PCDHAC1: variants seen among roughly 807,000 people sequenced by gnomAD.
PCDHAC1 encodes the protein protocadherin alpha subfamily C, 1, also known as protocadherin alpha-C1.
A neutral mutation model predicts 60.0 loss-of-function variants in PCDHAC1; 42 were observed. The ratio of observed to expected loss-of-function variants is 0.70; its 90% CI spans 0.55 to 0.90. PCDHAC1 has a LOEUF of 0.90. PCDHAC1 is among the 40% of genes least tolerant of loss of function. PCDHAC1 has a pLI of 0.00. For missense variants in PCDHAC1, 1,160 were observed against 1,222.3 expected, an observed-to-expected ratio of 0.95 and a Z score of 0.76; for synonymous variants, 468 against 499.3, an observed-to-expected ratio of 0.94 and a Z score of 0.84.
At position 140,992,156 on chromosome 5, in the gene PCDHAC1, A is replaced by G. The variant is rs79603129; in HGVS notation, c.2581+9593A>G. On this transcript the variant is annotated intron_variant, in intron 3 of 3. Coordinates refer to ENST00000253807, the MANE Select transcript of PCDHAC1 (RefSeq NM_018898.5). ...TGATGATGCTAACTTTGCTCAATCA[A>G]GAAGTGTGATCCATTTAAATCATGC... Among the ~76,000 whole-genome samples the G allele has an allele frequency of 2.1e-3, 313 of 152,232 alleles. 2 individuals carry two copies. The highest frequency in any genetic ancestry group is 3.8e-3 in the Non-Finnish European group (258 of 67,998).
At chr5:141,006,222 T>C (rs1463720721) in intron 3 of PCDHAC1, among the ~76,000 whole-genome samples, 1 of 152,098 alleles carries the variant, frequency 6.6e-6, no homozygotes, top group Non-Finnish European at 1.5e-5. Flanking sequence ...TTTTAAATTT[T>C]TTATTTTTAG....
At chr5:141,004,348 C>A (rs1554259549) in intron 3 of PCDHAC1, among the ~76,000 whole-genome samples, 1 of 152,216 alleles carries the variant, frequency 6.6e-6, no homozygotes, top group Non-Finnish European at 1.5e-5. Context: ...CTGTGAGGGA[C>A]TGGAGAGACC....
rs2083499438 is a variant in PCDHAC1 at position 140,926,720 on chromosome 5, T to C, written c.-173T>C. The C allele has an allele frequency of 2.0e-6, 2 of 1,002,404 alleles. No individual in the cohort carries two copies. The highest frequency in any genetic ancestry group is 2.7e-6 in the Non-Finnish European group (2 of 743,282). 62.1% of individuals were successfully genotyped at this position (1,002,404 alleles called of 1,614,324 possible). Reference sequence around the variant, plus strand: ...GCTCCCAGCTGGCCAGCCCCGGCAATGCCGGCGTTCGGGAGGCGCAACGTC... The same window carrying C: ...GCTCCCAGCTGGCCAGCCCCGGCAACGCCGGCGTTCGGGAGGCGCAACGTC... On this transcript the variant is annotated 5_prime_UTR_variant, in exon 1 of 4. The change abolishes an upstream ATG in the 5' untranslated region. Coordinates refer to ENST00000253807, the MANE Select transcript of PCDHAC1 (RefSeq NM_018898.5).
Position 140,979,001 on chromosome 5 carries a change from T to C in PCDHAC1, c.2486T>C (p.Met829Thr). ...WRYSASLRAG[M>T]HSSVHLEEAG... Reference sequence around the variant, plus strand: ...TACTCTGCCTCCCTGAGAGCAGGCATGCACAGGTATGTATTTCCCTCCTCA... The same window carrying C: ...TACTCTGCCTCCCTGAGAGCAGGCACGCACAGGTATGTATTTCCCTCCTCA... Residue 829 changes from methionine (M) to threonine (T), a missense_variant, in exon 2 of 4, where the codon ATG becomes ACG. By Grantham distance (81) the Met-to-Thr change is moderately conservative (BLOSUM62 -1). Transcript: ENST00000253807. 6.2e-7 allele frequency: 1 copy of C among 1,614,148 alleles called. No individual in the cohort carries two copies. Among genetic ancestry groups the C allele is most frequent in the Non-Finnish European group, 8.5e-7 (1 of 1,180,016 alleles).
chr5:140,935,353 T>C (rs2090328143), intron 1 of PCDHAC1, among the ~76,000 whole-genome samples: 1 of 152,184 alleles, frequency 6.6e-6, no homozygotes, highest in Non-Finnish European at 1.5e-5. Flanking sequence ...CAAATCCCAG[T>C]TTTCATTAAC....
At chr5:140,993,509 CGGGGAGAGAGAG>C (rs1563592888) in intron 3 of PCDHAC1, among the ~76,000 whole-genome samples, 1 of 143,490 alleles carries the variant, frequency 7.0e-6, no homozygotes, top group Admixed American at 7.0e-5. Context: ...CACACACACA[CGGGGAGAGAGAG>C]ACAGAGAGAG....
At position 140,926,799 on chromosome 5, in the gene PCDHAC1, T is replaced by G. The variant is rs561004739; in HGVS notation, c.-94T>G. Reference sequence around the variant, plus strand: ...AGTGACGGCCGGCAGGAGCGTGCTCTTCCCCGCGGCTCGTGCTCTCCAGGA... The same window carrying G: ...AGTGACGGCCGGCAGGAGCGTGCTCGTCCCCGCGGCTCGTGCTCTCCAGGA... On this transcript the variant is annotated 5_prime_UTR_variant, in exon 1 of 4. Transcript: ENST00000253807. The G allele has an allele frequency of 1.6e-4, 230 of 1,456,322 alleles. 2 individuals carry two copies. The African/African-American group carries it at 2.6e-3, about 16-fold the overall frequency. The allele number at this position is 1,456,322 out of a possible 1,614,324, so 90.2% of individuals were successfully genotyped here.
intron 3 of PCDHAC1, 56 bp downstream of exon 3, chr5:140,982,619 C>G (rs561557496): frequency 7.5e-6 from 12 of 1,589,654 alleles, no homozygotes; most frequent in Middle Eastern, 3.4e-4. Context: ...GATCAGATGA[C>G]CTACTTTTGT....
In PCDHAC1 at chr5:140,997,121, A is replaced by G. The variant is rs138556400; in HGVS notation, c.2582-12506A>G. On this transcript the variant is annotated intron_variant, in intron 3 of 3. Transcript: ENST00000253807. ...CTCATGCACTCCTGCTCTCCCACAT[A>G]CACAATGCCCCCACACCCCCGCCAC... 2.1e-4 allele frequency among the ~76,000 whole-genome samples: 32 copies of G among 152,152 alleles called. No individual in the cohort carries two copies. The East Asian group carries it at 5.8e-3, about 28-fold the overall frequency.
At chr5:140,932,312 T>C (rs2088188856) in intron 1 of PCDHAC1, among the ~76,000 whole-genome samples, 1 of 151,922 alleles carries the variant, frequency 6.6e-6, no homozygotes, top group Admixed American at 6.6e-5. Context: ...GGTATAAATA[T>C]ATTAATGTAG....
At chr5:140,951,047 A>T (rs2094543631) in intron 1 of PCDHAC1, among the ~76,000 whole-genome samples, 1 of 151,878 alleles carries the variant, frequency 6.6e-6, no homozygotes, top group Non-Finnish European at 1.5e-5. Flanking sequence ...TTATATTTTT[A>T]TTGCTAAAAT....
At chr5:140,966,670 G>C in intron 1 of PCDHAC1, 1 of 1,283,064 alleles carries the variant, frequency 7.8e-7, no homozygotes, top group Non-Finnish European at 1.0e-6. Flanking sequence ...AGCAGGCGCA[G>C]GGTGGCACGA....
At position 140,926,656 on chromosome 5, in the gene PCDHAC1, T is replaced by C. The variant is rs1372034097; in HGVS notation, c.-237T>C. ...TCCTCAACACCCGGCCGGCTCCGCT[T>C]TCCCAGACGGCTGCCCAGCCTCCAG... On this transcript the variant is annotated 5_prime_UTR_variant, in exon 1 of 4. Coordinates refer to ENST00000253807, the MANE Select transcript of PCDHAC1 (RefSeq NM_018898.5). The C allele has an allele frequency of 1.9e-6, 1 of 513,300 alleles. No individual in the cohort carries two copies. The highest frequency in any genetic ancestry group is 3.1e-6 in the Non-Finnish European group (1 of 319,292). 31.8% of individuals were successfully genotyped at this position (513,300 alleles called of 1,614,324 possible). A position where few individuals can be genotyped will look rare whatever the true frequency, so the allele number is the denominator to read the frequency against.
chr5:140,938,977 A>C (rs1205824371), intron 1 of PCDHAC1, among the ~76,000 whole-genome samples: 1 of 152,190 alleles, frequency 6.6e-6, no homozygotes, highest in Admixed American at 6.5e-5. Flanking sequence ...CATCAAGGCT[A>C]TCCTGGCTTT....
chr5:140,968,832 C>A (rs1554231147), intron 1 of PCDHAC1: 1 of 1,614,200 alleles, frequency 6.2e-7, no homozygotes, highest in East Asian at 2.2e-5. Flanking sequence ...AAAATCCTCC[C>A]TGACACTCAG....
At chr5:140,979,912 G>C (rs1554241237) in intron 2 of PCDHAC1, among the ~76,000 whole-genome samples, 2 of 152,248 alleles carry the variant, frequency 1.3e-5, no homozygotes, top group South Asian at 2.1e-4. Flanking sequence ...AGTTCGTAAA[G>C]AGAAAGCCTA....
rs565071573 is a variant in PCDHAC1, at chr5:141,009,664, G to A, written c.2619G>A (p.Ala873=). The A allele has an allele frequency of 2.2e-5, 36 of 1,613,862 alleles. No individual in the cohort carries two copies. The highest frequency in any genetic ancestry group is 5.0e-5 in the Admixed American group (3 of 59,974). The stretch of plus-strand genomic sequence containing the variant: ...GAGAAGTGTCCCCTCCAGTCGGTGC[G>A]GGTGTCAACAGCAACAGCTGGACCT... The part of the protein sequence containing the change: ...EAGEVSPPVG[A]GVNSNSWTFK... Residue 873 remains alanine (A), a synonymous_variant, in exon 4 of 4, where the codon GCG becomes GCA. Transcript: ENST00000253807.
At position 140,926,919 on chromosome 5, in the gene PCDHAC1, A is replaced by C. The variant is rs782148872; in HGVS notation, c.27A>C (p.Leu9Phe). 2 of 1,566,668 alleles carry C rather than the reference A, an allele frequency of 1.3e-6. No individual in the cohort carries two copies. The highest frequency in any genetic ancestry group is 2.4e-5 in the South Asian group (2 of 83,516). The change falls in exon 1 of 4, where the codon TTA (leucine) becomes TTC (phenylalanine). Residue 9 changes from leucine (L) to phenylalanine (F), a missense_variant. Leu to Phe is a conservative substitution (Grantham distance 22). Transcript: ENST00000253807. Reference sequence around the variant, plus strand: ...TGGTGGGCTGTGGGGTGGCAGTTTTATGTTTGTGGGTTTCCTGCGGCGCTG... The same window carrying C: ...TGGTGGGCTGTGGGGTGGCAGTTTTCTGTTTGTGGGTTTCCTGCGGCGCTG... MVGCGVAV[L>F]CLWVSCGAAA...
Position 140,928,576 on chromosome 5 carries a change from A to G in PCDHAC1, c.1684A>G (p.Asn562Asp). Reference sequence around the variant, plus strand: ...GGTTATCTTGTTTCCCTTGCCCAGAAATGGTTCTGTCCCAGTGGAAATTGT... The same window carrying G: ...GGTTATCTTGTTTCCCTTGCCCAGAGATGGTTCTGTCCCAGTGGAAATTGT... ...YPVILFPLPRNGSVPVEIVPR... is the reference protein window; with the variant it reads ...YPVILFPLPRDGSVPVEIVPR... The change falls in exon 1 of 4, where the codon AAT (asparagine) becomes GAT (aspartate). Residue 562 changes from asparagine (N) to aspartate (D), a missense_variant. Asn to Asp is a conservative substitution (Grantham distance 23). Coordinates refer to ENST00000253807, the MANE Select transcript of PCDHAC1 (RefSeq NM_018898.5). 6.2e-7 allele frequency: 1 copy of G among 1,614,160 alleles called. No homozygotes were observed. Among genetic ancestry groups the G allele is most frequent in the South Asian group, 1.1e-5 (1 of 91,082 alleles).
Sources: allele counts gnomAD v4.1 joint callset (sites outside exome capture counted in the v4.1 genomes callset), GRCh38; gene constraint gnomAD v4.1.1; transcripts MANE v1.5; gene names NCBI Gene and HGNC (gene_info 2026-07-23, HGNC 2026-07-21).